PPP6R3: variants seen among roughly 807,000 people sequenced by gnomAD.
PPP6R3 encodes serine/threonine-protein phosphatase 6 regulatory subunit 3.
Under a neutral mutation model 110.7 loss-of-function variants are expected in PPP6R3, and 38 were observed. The ratio of observed to expected loss-of-function variants is 0.34; its 90% CI spans 0.26 to 0.45. The LOEUF (loss-of-function observed/expected upper bound fraction) is 0.45. Among genes scored for constraint, PPP6R3 ranks in the 20% least tolerant of loss-of-function variants. PPP6R3 has a pLI of 1.00. For missense variants in PPP6R3, 870 were observed against 1,062.4 expected (o/e 0.82, Z 2.52); for synonymous variants, 369 against 373.5 (o/e 0.99, Z 0.14).
chr11:68,514,736 C>G (rs551485705), intron 1 of PPP6R3, among the ~76,000 whole-genome samples: 2 of 152,030 alleles, frequency 1.3e-5, no homozygotes, highest in Admixed American at 1.3e-4. Context: ...AGGTGTGCAC[C>G]GCCACGCCCA....
chr11:68,587,627 TTAAAC>T (rs1421267566), intron 15 of PPP6R3: 1 of 431,958 alleles, frequency 2.3e-6, no homozygotes, highest in African/African-American at 2.0e-5. Flanking sequence ...TGTGATCACT[TTAAAC>T]TAGGCTTAAT....
intron 1 of PPP6R3, among the ~76,000 whole-genome samples, chr11:68,506,049 T>C (rs924940301): frequency 1.3e-5 from 2 of 151,634 alleles, no homozygotes; most frequent in African/African-American, 4.8e-5. Flanking sequence ...GTTTCCTTTT[T>C]TCCCCCCGCG....
chr11:68,478,140 G>C (rs1437508259), intron 1 of PPP6R3, among the ~76,000 whole-genome samples: 4 of 151,934 alleles, frequency 2.6e-5, no homozygotes, highest in Non-Finnish European at 5.9e-5. Context: ...AGTAGAGATG[G>C]GGTTTTACCA....
chr11:68,466,977 G>A (rs2098752600), intron 1 of PPP6R3, among the ~76,000 whole-genome samples: 2 of 84,410 alleles, frequency 2.4e-5, no homozygotes, highest in African/African-American at 9.0e-5. Context: ...CGATCTCTTA[G>A]TGAGCCGCCC....
At chr11:68,477,590 G>T (rs2098841337) in intron 1 of PPP6R3, among the ~76,000 whole-genome samples, 1 of 151,256 alleles carries the variant, frequency 6.6e-6, no homozygotes, top group African/African-American at 2.4e-5. Flanking sequence ...GGTTGGTATG[G>T]CAGCGTGTGT....
intron 6 of PPP6R3, among the ~76,000 whole-genome samples, chr11:68,551,890 G>T (rs2099382136): frequency 6.6e-6 from 1 of 152,182 alleles, no homozygotes; most frequent in South Asian, 2.1e-4. Flanking sequence ...TGGGATGTTG[G>T]TCACCATTGA....
chr11:68,610,252 A>T (rs1162476884), intron 23 of PPP6R3, among the ~76,000 whole-genome samples: 1 of 152,206 alleles, frequency 6.6e-6, no homozygotes, highest in Non-Finnish European at 1.5e-5. Context: ...ACCAGTTTTT[A>T]GAGACTCTTT....
chr11:68,542,391 T>TTTTTTTTTTTG lies in PPP6R3; in HGVS notation c.228-2437_228-2436insGTTTTTTTTTT, dbSNP rs2099322610. On this transcript the variant is annotated intron_variant, in intron 3 of 23. Transcript: ENST00000393800. The stretch of plus-strand genomic sequence containing the variant: ...CTTTGGGTGCTTGAGAAGCTGCTGT[T>TTTTTTTTTTTG]TTTTTTTTTTTTTTTTTTTTAAGAC... 3.1e-5 allele frequency among the ~76,000 whole-genome samples: 3 copies of TTTTTTTTTTTG among 96,946 alleles called. 1 individual carries two copies. Among genetic ancestry groups the TTTTTTTTTTTG allele is most frequent in the Admixed American group, 2.1e-4 (2 of 9,426 alleles). 63.6% of individuals were successfully genotyped at this position (96,946 alleles called of 152,430 possible).
intron 1 of PPP6R3, among the ~76,000 whole-genome samples, chr11:68,517,789 T>C (rs183111217): frequency 9.9e-5 from 15 of 152,084 alleles, no homozygotes; most frequent in Non-Finnish European, 1.3e-4. Flanking sequence ...AATATAAAAA[T>C]TAAGCAGGCA....
At position 68,590,872 on chromosome 11, in the gene PPP6R3, C is replaced by A. The variant is rs536204514; in HGVS notation, c.1785+158C>A. ...CTCTGTCCCACGGCCTACCTGGCAC[C>A]CGTGGGCATGTGATTTTTGCAGCCC... On this transcript the variant is annotated intron_variant, in intron 17 of 23. Coordinates refer to ENST00000393800, the MANE Select transcript of PPP6R3 (RefSeq NM_001164161.2). Among the ~76,000 whole-genome samples the A allele has an allele frequency of 3.9e-5, 6 of 152,184 alleles. No individual in the cohort carries two copies. In the East Asian group the frequency reaches 7.7e-4, roughly 20 times the overall value.
At chr11:68,570,425 G>T (rs1015684381) in intron 11 of PPP6R3, among the ~76,000 whole-genome samples, 4 of 152,034 alleles carry the variant, frequency 2.6e-5, no homozygotes, top group African/African-American at 9.7e-5. Context: ...GCCCACACTT[G>T]GTTTACTCGC....
intron 2 of PPP6R3, among the ~76,000 whole-genome samples, chr11:68,536,698 C>T (rs1161660076): frequency 6.6e-6 from 1 of 152,178 alleles, no homozygotes. Flanking sequence ...TAATGGTACA[C>T]CTCACTAAGT....
At chr11:68,513,085 T>G (rs2153541620) in intron 1 of PPP6R3, among the ~76,000 whole-genome samples, 1 of 152,146 alleles carries the variant, frequency 6.6e-6, no homozygotes, top group South Asian at 2.1e-4. Flanking sequence ...GTCCTGAGGC[T>G]TTTGTGGACT....
intron 1 of PPP6R3, among the ~76,000 whole-genome samples, chr11:68,486,497 T>C (rs1440951130): frequency 2.7e-5 from 4 of 150,510 alleles, no homozygotes; most frequent in Non-Finnish European, 4.4e-5. Flanking sequence ...CCCAGCTACT[T>C]GGGAGGCTGA....
At chr11:68,609,279 C>T (rs1474407027) in intron 22 of PPP6R3, among the ~76,000 whole-genome samples, 1 of 152,202 alleles carries the variant, frequency 6.6e-6, no homozygotes, top group Non-Finnish European at 1.5e-5. Flanking sequence ...CCTCTTCTCC[C>T]TCTGGCGTTT....
At chr11:68,471,282 C>CAAAAAA (rs34619002) in intron 1 of PPP6R3, among the ~76,000 whole-genome samples, 9 of 57,134 alleles carry the variant, frequency 1.6e-4, no homozygotes, top group Non-Finnish European at 2.0e-4. Context: ...GATTCTGTCT[C>CAAAAAA]AAAAAAAAAA....
chr11:68,511,681 A>C (rs1343199332), intron 1 of PPP6R3, among the ~76,000 whole-genome samples: 1 of 150,752 alleles, frequency 6.6e-6, no homozygotes, highest in East Asian at 2.0e-4. Context: ...GGGTTTCGCC[A>C]TGTTTGCCAG....
rs1408214686 is a variant in PPP6R3, at chr11:68,588,624, ATTTG to A, written c.1730+603_1730+606del. Among the ~76,000 whole-genome samples the A allele has an allele frequency of 5.9e-5, 9 of 151,408 alleles. No homozygotes were observed. In the South Asian group the frequency reaches 1.3e-3, roughly 21 times the overall value. ...AGGTACCCGCCACCGCACCTGGCTA[ATTTG>A]TTGTATTTTTAGTAGAGACGGGATT... On this transcript the variant is annotated intron_variant, in intron 16 of 23. Coordinates refer to ENST00000393800, the MANE Select transcript of PPP6R3 (RefSeq NM_001164161.2).
In PPP6R3 at chr11:68,610,144, C is replaced by T. The variant is rs917139637; in HGVS notation, c.2570+121C>T. On this transcript the variant is annotated intron_variant, in intron 23 of 23. Coordinates refer to ENST00000393800, the MANE Select transcript of PPP6R3 (RefSeq NM_001164161.2). ...CTGTGCTCAAGTCTTAGGCCGCTGA[C>T]CTGGCAGGACAGGGTTTTCTCAGTC... 27 of 1,344,696 alleles carry T rather than the reference C, an allele frequency of 2.0e-5. No homozygotes were observed. In the African/African-American group the frequency reaches 4.0e-4, roughly 20 times the overall value. 83.3% of individuals were successfully genotyped at this position (1,344,696 alleles called of 1,614,324 possible). A position where few individuals can be genotyped will look rare whatever the true frequency, so the allele number is the denominator to read the frequency against.
Sources: gnomAD v4.1 joint callset for allele counts (sites outside exome capture counted in the v4.1 genomes callset) on GRCh38, gnomAD v4.1.1 for gene constraint, MANE v1.5 for transcripts, NCBI Gene and HGNC (gene_info 2026-07-23, HGNC 2026-07-21) for gene names.